GRID1: variants seen among roughly 807,000 people sequenced by gnomAD.
GRID1 encodes glutamate ionotropic receptor delta type subunit 1.
Under a neutral mutation model 98.0 loss-of-function variants are expected in GRID1, and 28 were observed. That is an observed-to-expected ratio of 0.29 (90% confidence interval 0.21 to 0.39). The LOEUF is 0.39. Ranked by LOEUF, GRID1 falls within the 10% of genes least tolerant of loss-of-function variation. The pLI, the probability that GRID1 is intolerant of heterozygous loss-of-function variation, is 1.00. For synonymous variants in GRID1, 553 were observed against 538.5 expected (o/e 1.03, Z -0.37); for missense variants, 1,111 against 1,340.5 (o/e 0.83, Z 2.67).
intron 2 of GRID1, among the ~76,000 whole-genome samples, chr10:86,360,880 C>G (rs1278841429): frequency 2.6e-5 from 4 of 152,222 alleles, no homozygotes; most frequent in Non-Finnish European, 4.4e-5. Context: ...GCTCTTATCA[C>G]TGCATGGCAC....
At chr10:85,813,581 C>G (rs889556819) in intron 8 of GRID1, among the ~76,000 whole-genome samples, 2 of 151,420 alleles carry the variant, frequency 1.3e-5, no homozygotes, top group African/African-American at 4.8e-5. Flanking sequence ...TTACAGCAGG[C>G]CTACAATATT....
chr10:86,230,904 T>C (rs936301001), intron 2 of GRID1, among the ~76,000 whole-genome samples: 24 of 152,144 alleles, frequency 1.6e-4, no homozygotes, highest in African/African-American at 5.8e-4. Context: ...ACATGAGTAA[T>C]ACACACACAT....
intron 4 of GRID1, among the ~76,000 whole-genome samples, chr10:86,005,525 T>C (rs562198353): frequency 2.0e-5 from 3 of 152,118 alleles, no homozygotes; most frequent in Non-Finnish European, 4.4e-5. Flanking sequence ...AAGCACAGGA[T>C]ACCTGAACTA....
intron 4 of GRID1, among the ~76,000 whole-genome samples, chr10:86,039,050 T>C (rs1843310445): frequency 6.6e-6 from 1 of 152,176 alleles, no homozygotes. Flanking sequence ...CTACCACCAC[T>C]TCTTTCCTTT....
chr10:86,347,213 G>A (rs1177654046), intron 2 of GRID1, among the ~76,000 whole-genome samples: 3 of 152,116 alleles, frequency 2.0e-5, no homozygotes, highest in Admixed American at 6.5e-5. Context: ...CTGTCACCAG[G>A]TGTTGCCCTG....
At position 86,262,184 on chromosome 10, in the gene GRID1, T is replaced by C. The variant is rs574838829; in HGVS notation, c.236-55536A>G. On this transcript the variant is annotated intron_variant, in intron 2 of 15. Transcript: ENST00000327946. ...GGCGCTGATCTGAAAGCAGTTAGTC[T>C]GCCCCTCAGCAGCCTCTCGGAGCTC... is the stretch of plus-strand genomic sequence containing the variant. Among the ~76,000 whole-genome samples the C allele has an allele frequency of 1.8e-4, 28 of 152,352 alleles. No homozygotes were observed. In the South Asian group the frequency reaches 5.0e-3, roughly 27 times the overall value.
At chr10:85,900,812 C>A (rs1841370933) in intron 5 of GRID1, among the ~76,000 whole-genome samples, 1 of 152,110 alleles carries the variant, frequency 6.6e-6, no homozygotes, top group Admixed American at 6.6e-5. Context: ...GTGTTCAGTA[C>A]ATGTATGACG....
intron 4 of GRID1, among the ~76,000 whole-genome samples, chr10:86,051,819 C>T (rs1252279726): frequency 3.3e-5 from 5 of 152,150 alleles, no homozygotes; most frequent in African/African-American, 7.2e-5. Flanking sequence ...AAAACAGGCA[C>T]GCTTATACAT....
chr10:85,661,759 A>T (rs1840967833), intron 12 of GRID1, among the ~76,000 whole-genome samples: 1 of 152,224 alleles, frequency 6.6e-6, no homozygotes, highest in Non-Finnish European at 1.5e-5. Context: ...CTCGGGATGA[A>T]AGGTAATGCA....
chr10:85,867,434 C>T (rs1282120784), intron 6 of GRID1, among the ~76,000 whole-genome samples: 1 of 152,128 alleles, frequency 6.6e-6, no homozygotes, highest in Admixed American at 6.5e-5. Context: ...AGGCTCTGGC[C>T]CCACAGAGAG....
At chr10:86,194,694 C>T (rs766061826) in intron 3 of GRID1, among the ~76,000 whole-genome samples, 8 of 152,092 alleles carry the variant, frequency 5.3e-5, no homozygotes, top group Non-Finnish European at 1.0e-4. Flanking sequence ...GTCTCCCCTT[C>T]CACATCTTCC....
intron 8 of GRID1, among the ~76,000 whole-genome samples, chr10:85,761,587 G>T (rs552396245): frequency 2.6e-5 from 4 of 152,294 alleles, no homozygotes; most frequent in Admixed American, 1.3e-4. Flanking sequence ...ACCTAACCCA[G>T]CATCATCAGG....
At chr10:85,683,053 T>C (rs1841228588) in intron 12 of GRID1, among the ~76,000 whole-genome samples, 1 of 152,230 alleles carries the variant, frequency 6.6e-6, no homozygotes, top group Non-Finnish European at 1.5e-5. Context: ...ATTCCCATGG[T>C]GACAGCCTGG....
rs549594837 is a variant in GRID1 at position 85,976,831 on chromosome 10, C to T, written c.727-60592G>A. On this transcript the variant is annotated intron_variant, in intron 4 of 15. Transcript: ENST00000327946. ...GTCTTCAAAGGCCCCACAGGACAGGCTAAGACAGGAGTGCTGTGTTTCTAA... is the reference window on the plus strand; with the variant it reads ...GTCTTCAAAGGCCCCACAGGACAGGTTAAGACAGGAGTGCTGTGTTTCTAA... Among the ~76,000 whole-genome samples, 5 of 152,314 alleles carry T rather than the reference C, an allele frequency of 3.3e-5. No individual in the cohort carries two copies. The South Asian group carries it at 1.0e-3, about 32-fold the overall frequency.
intron 12 of GRID1, among the ~76,000 whole-genome samples, chr10:85,709,678 A>T (rs1200408965): frequency 1.3e-5 from 2 of 152,198 alleles, no homozygotes; most frequent in Non-Finnish European, 2.9e-5. Flanking sequence ...ATTTTAATTC[A>T]CTCACACCGA....
At chr10:86,023,665 CCT>C (rs1843079178) in intron 4 of GRID1, among the ~76,000 whole-genome samples, 1 of 152,122 alleles carries the variant, frequency 6.6e-6, no homozygotes, top group Non-Finnish European at 1.5e-5. Flanking sequence ...ACCACCTCCC[CCT>C]GACCAAACAC....
chr10:85,989,577 G>A (rs1842654386), intron 4 of GRID1, among the ~76,000 whole-genome samples: 1 of 152,210 alleles, frequency 6.6e-6, no homozygotes, highest in South Asian at 2.1e-4. Context: ...ACCCTATTGT[G>A]AATTAAGCAT....
intron 15 of GRID1, chr10:85,613,097 C>G: frequency 2.8e-6 from 1 of 360,440 alleles, no homozygotes; most frequent in East Asian, 5.3e-5. Flanking sequence ...GGCACATGGG[C>G]GGGGCAGGGT....
intron 12 of GRID1, among the ~76,000 whole-genome samples, chr10:85,675,360 T>G (rs1261113433): frequency 1.3e-5 from 2 of 152,166 alleles, no homozygotes; most frequent in Non-Finnish European, 2.9e-5. Flanking sequence ...CAGATCCTCC[T>G]AGGCTAAAGG....
Sources: gnomAD v4.1 joint callset for allele counts (sites outside exome capture counted in the v4.1 genomes callset) on GRCh38, gnomAD v4.1.1 for gene constraint, MANE v1.5 for transcripts, NCBI Gene and HGNC (gene_info 2026-07-23, HGNC 2026-07-21) for gene names.